The following EYS variants were observed in gnomAD, a reference collection of about 807,000 sequenced individuals.
EYS encodes EGF-like photoreceptor maintenance factor.
EYS carries 250 observed loss-of-function variants against 282.1 expected under a neutral mutation model. The ratio of observed to expected loss-of-function variants is 0.89; its 90% CI spans 0.80 to 0.98. EYS has a LOEUF of 0.98. Ranked by LOEUF, EYS falls within the 50% of genes least tolerant of loss-of-function variation. EYS has a pLI of 0.00. For synonymous variants in EYS, 1,355 were observed against 1,282.9 expected (o/e 1.06, Z -1.20); for missense variants, 4,016 against 3,709.0 (o/e 1.08, Z -2.15).
At chr6:64,693,442 A>C (rs1770469766) in intron 22 of EYS, among the ~76,000 whole-genome samples, 1 of 152,172 alleles carries the variant, frequency 6.6e-6, no homozygotes, top group Non-Finnish European at 1.5e-5. Context: ...AAAGGTATGC[A>C]CATAGATTAC....
chr6:64,687,880 T>C (rs1427282760), intron 22 of EYS, among the ~76,000 whole-genome samples: 1 of 152,218 alleles, frequency 6.6e-6, no homozygotes, highest in African/African-American at 2.4e-5. Flanking sequence ...AGGCTCTTAA[T>C]TATTGCCTCA....
intron 11 of EYS, among the ~76,000 whole-genome samples, chr6:65,305,322 G>A (rs1768974196): frequency 1.3e-5 from 2 of 152,226 alleles, no homozygotes; most frequent in South Asian, 4.1e-4. Flanking sequence ...TATTCTTTAT[G>A]TATTGTCTTG....
At chr6:65,235,950 A>T (rs771631868) in intron 12 of EYS, among the ~76,000 whole-genome samples, 2 of 152,042 alleles carry the variant, frequency 1.3e-5, no homozygotes, top group Non-Finnish European at 2.9e-5. Context: ...ATTTTGGCAT[A>T]TATTTCTTAG....
At chr6:65,275,874 T>C (rs1190596346) in intron 12 of EYS, among the ~76,000 whole-genome samples, 2 of 152,154 alleles carry the variant, frequency 1.3e-5, no homozygotes, top group African/African-American at 2.4e-5. Context: ...TTACTCTGGA[T>C]ATGATTTGCC....
intron 31 of EYS, among the ~76,000 whole-genome samples, chr6:64,097,826 G>A (rs1003289695): frequency 2.6e-5 from 4 of 152,114 alleles, no homozygotes; most frequent in Non-Finnish European, 5.9e-5. Flanking sequence ...ATTATAATTA[G>A]TAAGTCGTTG....
At chr6:64,183,795 C>T (rs1309377854) in intron 31 of EYS, among the ~76,000 whole-genome samples, 2 of 152,006 alleles carry the variant, frequency 1.3e-5, no homozygotes, top group Non-Finnish European at 2.9e-5. Flanking sequence ...AATTTTACAG[C>T]CTTCAAATGT....
intron 12 of EYS, among the ~76,000 whole-genome samples, chr6:65,268,532 A>C (rs1287495357): frequency 1.3e-5 from 2 of 152,264 alleles, no homozygotes; most frequent in Non-Finnish European, 2.9e-5. Context: ...ATTGATAAAA[A>C]TAGAGATCAC....
At chr6:63,851,929 G>A (rs1329450621) in intron 36 of EYS, among the ~76,000 whole-genome samples, 6 of 151,966 alleles carry the variant, frequency 3.9e-5, no homozygotes, top group Admixed American at 2.0e-4. Context: ...AGGCCGAGGC[G>A]GGCAGATCAC....
rs534497915 is a variant in EYS, at chr6:65,611,423, GA to G, written c.-333+28354del. 2.4e-3 allele frequency among the ~76,000 whole-genome samples: 371 copies of G among 151,992 alleles called. 1 individual carries two copies. Among genetic ancestry groups the G allele is most frequent in the Non-Finnish European group, 4.1e-3 (280 of 67,884 alleles). On this transcript the variant is annotated intron_variant, in intron 2 of 42. Transcript: ENST00000503581. ...GTATGAATATAATATGGGTATATAA[GA>G]AAGACTATTTCTTGTTTTCTCATGA...
At chr6:65,442,277 C>T (rs911442535) in intron 5 of EYS, among the ~76,000 whole-genome samples, 1 of 151,930 alleles carries the variant, frequency 6.6e-6, no homozygotes, top group African/African-American at 2.4e-5. Flanking sequence ...ATATTCAGTA[C>T]TTGGTCTCAC....
At chr6:65,043,550 G>GC (rs1446327233) in intron 13 of EYS, among the ~76,000 whole-genome samples, 1 of 150,974 alleles carries the variant, frequency 6.6e-6, no homozygotes, top group Non-Finnish European at 1.5e-5. Flanking sequence ...TCCCTCCTGC[G>GC]CCCCTCCTCC....
At chr6:64,636,784 T>G (rs1450264536) in intron 22 of EYS, among the ~76,000 whole-genome samples, 1 of 149,462 alleles carries the variant, frequency 6.7e-6, no homozygotes, top group Non-Finnish European at 1.5e-5. Flanking sequence ...GCAAAGGATA[T>G]GAACAGACAC....
At chr6:65,462,934 C>T (rs1287337881) in intron 5 of EYS, among the ~76,000 whole-genome samples, 2 of 151,908 alleles carry the variant, frequency 1.3e-5, no homozygotes, top group Non-Finnish European at 2.9e-5. Context: ...CTCTTGATTT[C>T]CAAGGTATTC....
intron 12 of EYS, among the ~76,000 whole-genome samples, chr6:65,087,266 C>G (rs903428689): frequency 2.0e-5 from 3 of 151,838 alleles, no homozygotes; most frequent in African/African-American, 7.3e-5. Flanking sequence ...TTCATTATTG[C>G]AGATCATCCT....
intron 22 of EYS, among the ~76,000 whole-genome samples, chr6:64,696,615 T>C (rs1019911665): frequency 6.6e-6 from 1 of 152,124 alleles, no homozygotes; most frequent in African/African-American, 2.4e-5. Flanking sequence ...GAAAAGCGTC[T>C]CATTGCCTAC....
At chr6:64,037,363 A>G (rs535684024) in intron 33 of EYS, among the ~76,000 whole-genome samples, 21 of 152,352 alleles carry the variant, frequency 1.4e-4, no homozygotes, top group Middle Eastern at 3.4e-3. Context: ...AAACTAAATT[A>G]AATACAATCT....
chr6:64,353,990 G>GCAGTAATTACACTGC (rs1315392259), intron 29 of EYS, among the ~76,000 whole-genome samples: 5 of 151,556 alleles, frequency 3.3e-5, no homozygotes, highest in Admixed American at 2.6e-4. Flanking sequence ...GAGGTTAGCT[G>GCAGTAATTACACTGC]CAGTAATTAC....
At chr6:64,319,953 G>A (rs1054245604) in intron 29 of EYS, among the ~76,000 whole-genome samples, 2 of 151,894 alleles carry the variant, frequency 1.3e-5, no homozygotes, top group Non-Finnish European at 2.9e-5. Flanking sequence ...GACACCTGAA[G>A]AGCTTCCTTT....
intron 29 of EYS, among the ~76,000 whole-genome samples, chr6:64,363,357 A>T (rs1335728127): frequency 6.6e-6 from 1 of 151,858 alleles, no homozygotes; most frequent in African/African-American, 2.4e-5. Context: ...CATTGATGTG[A>T]TCGGTTAAAT....
Sources: allele counts gnomAD v4.1 joint callset (sites outside exome capture counted in the v4.1 genomes callset), GRCh38; gene constraint gnomAD v4.1.1; transcripts MANE v1.5; gene names NCBI Gene and HGNC (gene_info 2026-07-23, HGNC 2026-07-21).